RASAL2: variants seen among roughly 807,000 people sequenced by gnomAD.
RASAL2 encodes the protein ras GTPase-activating protein nGAP.
RASAL2 carries 58 observed loss-of-function variants against 128.9 expected under a neutral mutation model. The ratio of observed to expected loss-of-function variants is 0.45; its 90% CI spans 0.36 to 0.56. The LOEUF (loss-of-function observed/expected upper bound fraction) is 0.56, where lower values mean the gene tolerates loss of function less well. Ranked by LOEUF, RASAL2 falls within the 20% of genes least tolerant of loss-of-function variation. RASAL2 has a pLI of 0.00. For missense variants in RASAL2, 1,360 were observed against 1,601.6 expected (o/e 0.85, Z 2.57); for synonymous variants, 561 against 580.8 (o/e 0.97, Z 0.49).
chr1:178,320,351 G>A (rs1021675536), intron 3 of RASAL2, among the ~76,000 whole-genome samples: 20 of 152,036 alleles, frequency 1.3e-4, no homozygotes, highest in Admixed American at 2.6e-4. Flanking sequence ...TGCTTTGTTT[G>A]CCTAAGCAAG....
chr1:178,458,170 G>A lies in RASAL2; in HGVS notation c.2878G>A (p.Glu960Lys). 6.2e-7 allele frequency: 1 copy of A among 1,614,226 alleles called. No homozygotes were observed. The highest frequency in any genetic ancestry group is 8.5e-7 in the Non-Finnish European group (1 of 1,180,046). ...CAGTTCCAGAAGCCAAAGTAACAGT[G>A]AAGACTTCAAGCTCAGTGGACCCAG... ...TASSRSQSNSEDFKLSGPSNS... is the reference protein window; with the variant it reads ...TASSRSQSNSKDFKLSGPSNS... Residue 960 changes from glutamate to lysine, a missense_variant, in exon 14 of 18, where the codon GAA (glutamate) becomes AAA (lysine). Transcript: ENST00000367649.
intron 1 of RASAL2, among the ~76,000 whole-genome samples, chr1:178,202,279 C>T (rs537278148): frequency 2.0e-4 from 30 of 152,296 alleles, no homozygotes; most frequent in East Asian, 7.7e-4. Flanking sequence ...GTGGCTCAAA[C>T]GCCCATGGTT....
chr1:178,151,542 G>A (rs1023647991), intron 1 of RASAL2, among the ~76,000 whole-genome samples: 7 of 152,178 alleles, frequency 4.6e-5, no homozygotes, highest in East Asian at 3.8e-4. Context: ...TTCGCTAAGC[G>A]GTTCAGTATT....
Position 178,458,486 on chromosome 1 carries a change from C to G in RASAL2, c.3194C>G (p.Ser1065Cys). 2 of 1,614,048 alleles carry G rather than the reference C, an allele frequency of 1.2e-6. No individual in the cohort carries two copies. Among genetic ancestry groups the G allele is most frequent in the Non-Finnish European group, 1.7e-6 (2 of 1,179,942 alleles). ...NGSRSRQQSS[S>C]SRESPVPKVR... The stretch of plus-strand genomic sequence containing the variant: ...AGCCGGTCCCGGCAGCAGTCCTCTT[C>G]CTCCAGAGAGAGCCCTGTTCCCAAA... The change falls in exon 14 of 18, where the codon TCC becomes TGC. Residue 1065 changes from serine to cysteine, a missense_variant. By Grantham distance (112) the Ser-to-Cys change is moderately radical (BLOSUM62 -1). Transcript: ENST00000367649.
chr1:178,387,624 G>A (rs1672661957), intron 3 of RASAL2, among the ~76,000 whole-genome samples: 2 of 151,564 alleles, frequency 1.3e-5, no homozygotes, highest in Admixed American at 6.6e-5. Context: ...AACATGCAGT[G>A]TTTGGTTTTT....
chr1:178,464,179 T>A, intron 14 of RASAL2, 99 bp from the exon 15 acceptor site: 1 of 1,377,502 alleles, frequency 7.3e-7, no homozygotes, highest in Non-Finnish European at 9.7e-7. Context: ...ATTAGAAAAC[T>A]GAGAGATCAC....
intron 1 of RASAL2, among the ~76,000 whole-genome samples, chr1:178,113,793 A>G (rs922655938): frequency 2.6e-5 from 4 of 152,144 alleles, no homozygotes; most frequent in Admixed American, 6.6e-5. Flanking sequence ...TATCTTAACA[A>G]TATTAAGTCT....
chr1:178,112,213 A>G (rs867499890), intron 1 of RASAL2, among the ~76,000 whole-genome samples: 1 of 151,898 alleles, frequency 6.6e-6, no homozygotes, highest in Non-Finnish European at 1.5e-5. Context: ...ATTTATCCCT[A>G]TTTTCTTTTG....
intron 1 of RASAL2, among the ~76,000 whole-genome samples, chr1:178,110,509 CATAT>C (rs999498636): frequency 2.1e-5 from 3 of 142,766 alleles, no homozygotes; most frequent in African/African-American, 5.1e-5. Context: ...GTATATATAG[CATAT>C]ATAGTGTATA....
rs1298702868 is a variant in RASAL2, at chr1:178,476,182, G to A, written c.*2943G>A. The A allele has an allele frequency of 6.6e-6, 1 of 152,222 alleles. No individual in the cohort carries two copies. Among genetic ancestry groups the A allele is most frequent in the African/African-American group, 2.4e-5 (1 of 41,438 alleles). The allele number at this position is 152,222 out of a possible 1,614,324, so 9.4% of individuals were successfully genotyped here. A position where few individuals can be genotyped will look rare whatever the true frequency, so the allele number is the denominator to read the frequency against. On this transcript the variant is annotated 3_prime_UTR_variant, in exon 18 of 18. Transcript: ENST00000367649. ...ATTGTGGGGCGCAGGATAGATCAGG[G>A]TTGAGTGGAATTTGGAATTCAGGTG...
At position 178,456,340 on chromosome 1, in the gene RASAL2, G is replaced by A. The variant is rs932052825; in HGVS notation, c.2212-381G>A. 3 of 260,788 alleles carry A rather than the reference G, an allele frequency of 1.2e-5. No individual in the cohort carries two copies. The Admixed American group carries it at 1.4e-4, about 12-fold the overall frequency. 16.2% of individuals were successfully genotyped at this position (260,788 alleles called of 1,614,324 possible). A position where few individuals can be genotyped will look rare whatever the true frequency, so the allele number is the denominator to read the frequency against. ...AAGTTCTTTTGGTTAGAAGGAATTT[G>A]GTTCTGCCTCCACCCTCCCCCACCT... On this transcript the variant is annotated intron_variant, in intron 12 of 17. Coordinates refer to ENST00000367649, the MANE Select transcript of RASAL2 (RefSeq NM_170692.4).
Position 178,478,505 on chromosome 1 carries a change from T to C in RASAL2, c.*5266T>C, listed in dbSNP as rs1648832819. 3.9e-5 allele frequency: 6 copies of C among 152,162 alleles called. No homozygotes were observed. The highest frequency in any genetic ancestry group is 3.9e-4 in the Admixed American group (6 of 15,268). 9.4% of individuals were successfully genotyped at this position (152,162 alleles called of 1,614,324 possible). A position where few individuals can be genotyped will look rare whatever the true frequency, so the allele number is the denominator to read the frequency against. ...ATGACCTTCTAAATTTGATTTTGTT[T>C]TTCATCTCCAGGGCCTTAATAAGAG... On this transcript the variant is annotated 3_prime_UTR_variant, in exon 18 of 18. Transcript: ENST00000367649.
chr1:178,394,371 G>A (rs1673087459), intron 4 of RASAL2, among the ~76,000 whole-genome samples: 1 of 152,124 alleles, frequency 6.6e-6, no homozygotes, highest in Non-Finnish European at 1.5e-5. Flanking sequence ...AGTTATCCAG[G>A]TACATACTTA....
At chr1:178,202,087 T>C (rs1266908142) in intron 1 of RASAL2, among the ~76,000 whole-genome samples, 7 of 152,176 alleles carry the variant, frequency 4.6e-5, no homozygotes, top group African/African-American at 1.7e-4. Flanking sequence ...GAGCTGACGT[T>C]GATTCCAGGG....
At chr1:178,464,448 C>CA in intron 15 of RASAL2, 36 bp downstream of exon 15, 1 of 1,604,924 alleles carries the variant, frequency 6.2e-7, no homozygotes, top group Non-Finnish European at 8.5e-7. Flanking sequence ...TTTCTGATCC[C>CA]AAAATGACAG....
At chr1:178,419,736 A>C (rs1365621017) in intron 4 of RASAL2, among the ~76,000 whole-genome samples, 3 of 152,186 alleles carry the variant, frequency 2.0e-5, no homozygotes, top group Non-Finnish European at 4.4e-5. Context: ...TGCCAGGTGC[A>C]GAGTCGAGGA....
intron 1 of RASAL2, among the ~76,000 whole-genome samples, chr1:178,100,092 C>T (rs187887981): frequency 2.3e-4 from 35 of 152,202 alleles, no homozygotes; most frequent in Middle Eastern, 6.8e-3. Context: ...TTAGGAATTG[C>T]AGATATGGAA....
At chr1:178,193,344 C>T (rs572426990) in intron 1 of RASAL2, among the ~76,000 whole-genome samples, 1 of 152,204 alleles carries the variant, frequency 6.6e-6, no homozygotes, top group Admixed American at 6.5e-5. Context: ...GTCTTTTCTG[C>T]CCCAACCCTC....
chr1:178,252,017 G>C (rs920300507), intron 1 of RASAL2, among the ~76,000 whole-genome samples: 1 of 151,742 alleles, frequency 6.6e-6, no homozygotes, highest in African/African-American at 2.4e-5. Flanking sequence ...TTCTGGTTGG[G>C]GTCCAAAAAC....
Sources: gnomAD v4.1 joint callset for allele counts (sites outside exome capture counted in the v4.1 genomes callset) on GRCh38, gnomAD v4.1.1 for gene constraint, MANE v1.5 for transcripts, NCBI Gene and HGNC (gene_info 2026-07-23, HGNC 2026-07-21) for gene names.